Variants in SNX6 observed in about 807,000 individuals in gnomAD.
The protein encoded by SNX6 is sorting nexin 6, also known as sorting nexin-6.
A neutral mutation model predicts 63.0 loss-of-function variants in SNX6; 34 were observed. The ratio of observed to expected loss-of-function variants is 0.54; its 90% CI spans 0.41 to 0.72. The LOEUF is 0.72. Ranked by LOEUF, SNX6 falls within the 30% of genes least tolerant of loss-of-function variation. SNX6 has a pLI of 0.00. For missense variants in SNX6, 398 were observed against 471.4 expected (o/e 0.84, Z 1.44); for synonymous variants, 170 against 164.2 (o/e 1.04, Z -0.27).
intron 8 of SNX6, among the ~76,000 whole-genome samples, chr14:34,587,462 G>A (rs1328850796): frequency 2.0e-5 from 3 of 149,008 alleles, no homozygotes; most frequent in Admixed American, 6.8e-5. Flanking sequence ...GAACCCGGGA[G>A]GTGGAGGTTG....
chr14:34,629,415 G>A (rs1261089617), intron 2 of SNX6: 5 of 453,104 alleles, frequency 1.1e-5, no homozygotes, highest in South Asian at 1.6e-5. Flanking sequence ...GAGTTGATTC[G>A]GCTACTATAA....
intron 7 of SNX6, among the ~76,000 whole-genome samples, chr14:34,593,960 C>T (rs958870330): frequency 2.0e-5 from 3 of 152,076 alleles, no homozygotes; most frequent in African/African-American, 4.8e-5. Context: ...AAGTGATCCG[C>T]GCGCCTCGGC....
chr14:34,585,050 C>T (rs776875570), intron 9 of SNX6, among the ~76,000 whole-genome samples: 14 of 151,998 alleles, frequency 9.2e-5, no homozygotes, highest in Non-Finnish European at 1.9e-4. Flanking sequence ...CAGGGTTTCT[C>T]CATGTTGGTC....
In SNX6 at chr14:34,609,724, C is replaced by T; in HGVS notation, c.73G>A (p.Asp25Asn). Residue 25 changes from aspartate (D) to asparagine (N), a missense_variant, in exon 3 of 14, where the codon GAT becomes AAT. Asp to Asn is a conservative substitution (Grantham distance 23). Coordinates refer to ENST00000362031, the MANE Select transcript of SNX6 (RefSeq NM_152233.4). The stretch of plus-strand genomic sequence containing the variant: ...TGCAGAGCAGCATCACTTTGAAGAT[C>T]TACATTTATTGCTTTAAGCTAGAAA... The part of the protein sequence containing the change: ...EDRGLKAINV[D>N]LQSDAALQVD... 2 of 1,610,466 alleles carry T rather than the reference C, an allele frequency of 1.2e-6. No homozygotes were observed. The highest frequency in any genetic ancestry group is 2.2e-5 in the East Asian group (1 of 44,810).
chr14:34,562,663 G>A lies in SNX6; in HGVS notation c.*459C>T, dbSNP rs574614886. The A allele has an allele frequency of 6.5e-6, 1 of 153,336 alleles. No individual in the cohort carries two copies. Among genetic ancestry groups the A allele is most frequent in the South Asian group, 2.1e-4 (1 of 4,842 alleles). The allele number at this position is 153,336 out of a possible 1,614,324, so 9.5% of individuals were successfully genotyped here. The stretch of plus-strand genomic sequence containing the variant: ...AAGTCTGATTAAGATGCTTTACCAG[G>A]ATACATGAATGAACTAAGGTGGTAT... On this transcript the variant is annotated 3_prime_UTR_variant, in exon 14 of 14. Coordinates refer to ENST00000362031, the MANE Select transcript of SNX6 (RefSeq NM_152233.4).
intron 11 of SNX6, among the ~76,000 whole-genome samples, chr14:34,571,374 A>C (rs970028423): frequency 6.6e-6 from 1 of 151,954 alleles, no homozygotes; most frequent in African/African-American, 2.4e-5. Context: ...TGGAGATTAC[A>C]GTGAGCCGAG....
chr14:34,618,462 T>C (rs565377688), intron 2 of SNX6, among the ~76,000 whole-genome samples: 5 of 152,258 alleles, frequency 3.3e-5, no homozygotes, highest in African/African-American at 4.8e-5. Context: ...GCAATTCTCC[T>C]GCCTCAGCCT....
chr14:34,629,808 T>A, intron 2 of SNX6, 99 bp downstream of exon 2: 1 of 1,504,522 alleles, frequency 6.6e-7, no homozygotes, highest in Non-Finnish European at 8.9e-7. Flanking sequence ...GGGGAGGGAG[T>A]GCCGCGCGGC....
At chr14:34,602,148 G>A (rs936958527) in intron 6 of SNX6, among the ~76,000 whole-genome samples, 9 of 151,768 alleles carry the variant, frequency 5.9e-5, no homozygotes, top group East Asian at 2.0e-4. Context: ...AAATTAGGCC[G>A]GGCGCAGTGG....
At chr14:34,576,019 G>T (rs1881683000) in intron 10 of SNX6, among the ~76,000 whole-genome samples, 177 bp from the exon 11 acceptor site, 1 of 151,630 alleles carries the variant, frequency 6.6e-6, no homozygotes, top group Admixed American at 6.6e-5. Context: ...CGCCTCCTGG[G>T]TTCACGCCAT....
intron 2 of SNX6, among the ~76,000 whole-genome samples, chr14:34,616,009 G>T (rs1472912111): frequency 3.3e-5 from 5 of 152,180 alleles, no homozygotes; most frequent in African/African-American, 1.2e-4. Flanking sequence ...AGGCTGGAGT[G>T]CAGTGGCGTG....
At chr14:34,571,886 T>C (rs1052417589) in intron 11 of SNX6, among the ~76,000 whole-genome samples, 2 of 152,172 alleles carry the variant, frequency 1.3e-5, no homozygotes, top group Non-Finnish European at 2.9e-5. Flanking sequence ...AGAGATAGGA[T>C]TGGGCTATGT....
intron 2 of SNX6, among the ~76,000 whole-genome samples, chr14:34,621,990 C>T (rs1223174084): frequency 1.8e-5 from 2 of 108,114 alleles, no homozygotes; most frequent in Admixed American, 1.2e-4. Flanking sequence ...TGGAGTTTCA[C>T]TCTTGTCGCC....
intron 2 of SNX6, among the ~76,000 whole-genome samples, chr14:34,611,414 T>C (rs749293515): frequency 5.5e-5 from 8 of 144,750 alleles, no homozygotes; most frequent in Non-Finnish European, 1.2e-4. Context: ...GAGGTGGAGG[T>C]TGCAGTGAGC....
intron 9 of SNX6, among the ~76,000 whole-genome samples, chr14:34,584,341 G>C (rs1000815796): frequency 5.9e-5 from 9 of 151,472 alleles, no homozygotes; most frequent in Admixed American, 2.0e-4. Flanking sequence ...TTGCTCTGTC[G>C]CCCAGGCTGG....
chr14:34,564,219 G>T (rs1881066136), intron 13 of SNX6, among the ~76,000 whole-genome samples: 1 of 151,970 alleles, frequency 6.6e-6, no homozygotes, highest in East Asian at 1.9e-4. Flanking sequence ...GTAGAGACGG[G>T]GTTACACTAT....
chr14:34,614,572 T>C (rs909474322), intron 2 of SNX6, among the ~76,000 whole-genome samples: 2 of 152,212 alleles, frequency 1.3e-5, no homozygotes, highest in African/African-American at 4.8e-5. Flanking sequence ...CTTGCCTTTA[T>C]ATTCTGTCAA....
At chr14:34,568,454 C>G (rs557353303) in intron 11 of SNX6, among the ~76,000 whole-genome samples, 1 of 151,924 alleles carries the variant, frequency 6.6e-6, no homozygotes, top group Non-Finnish European at 1.5e-5. Flanking sequence ...TGGTCTCGAT[C>G]TCTTGACCTC....
intron 8 of SNX6, among the ~76,000 whole-genome samples, chr14:34,590,479 G>T (rs1882349615): frequency 6.7e-6 from 1 of 150,140 alleles, no homozygotes; most frequent in Admixed American, 6.7e-5. Context: ...CACAAGAAAA[G>T]ATGTTGAACC....
Sources: gnomAD v4.1 joint callset for allele counts (sites outside exome capture counted in the v4.1 genomes callset) on GRCh38, gnomAD v4.1.1 for gene constraint, MANE v1.5 for transcripts, NCBI Gene and HGNC (gene_info 2026-07-23, HGNC 2026-07-21) for gene names.